Variants in PRKN observed in about 807,000 individuals in gnomAD.
PRKN encodes the protein parkin RBR E3 ubiquitin protein ligase.
PRKN carries 56 observed loss-of-function variants against 59.5 expected under a neutral mutation model. The observed-to-expected ratio is 0.94, with a 90% CI of 0.76 to 1.18. The LOEUF is 1.18. Among genes scored for constraint, PRKN ranks in the 50% most tolerant of loss-of-function variants. PRKN has a pLI of 0.00. For missense variants in PRKN, 657 were observed against 596.4 expected (o/e 1.10, Z -1.06); for synonymous variants, 250 against 222.1 (o/e 1.13, Z -1.12).
chr6:162,490,616 A>G (rs550600737), intron 1 of PRKN, among the ~76,000 whole-genome samples: 1 of 152,306 alleles, frequency 6.6e-6, no homozygotes, highest in Admixed American at 6.5e-5. Flanking sequence ...TGCTTATTTG[A>G]TATTTCTAAT....
intron 3 of PRKN, among the ~76,000 whole-genome samples, chr6:162,211,530 A>T (rs900967341): frequency 2.0e-5 from 3 of 152,152 alleles, no homozygotes; most frequent in African/African-American, 7.2e-5. Context: ...AAAATTTTTT[A>T]AAAAAACATT....
chr6:162,667,989 C>G (rs901980246), intron 1 of PRKN, among the ~76,000 whole-genome samples: 1 of 152,042 alleles, frequency 6.6e-6, no homozygotes, highest in Non-Finnish European at 1.5e-5. Flanking sequence ...AAATAGATAA[C>G]TCATAGACAA....
chr6:161,612,982 G>A (rs2128147490), intron 7 of PRKN, among the ~76,000 whole-genome samples: 1 of 152,288 alleles, frequency 6.6e-6, no homozygotes, highest in East Asian at 1.9e-4. Context: ...TAACACAACA[G>A]ATGAAGGGAT....
At chr6:161,500,876 C>CTTTTTT (rs34247928) in intron 9 of PRKN, among the ~76,000 whole-genome samples, 1 of 115,402 alleles carries the variant, frequency 8.7e-6, no homozygotes, top group Non-Finnish European at 1.7e-5. Flanking sequence ...TTTTTTTTTT[C>CTTTTTT]TTTTTTTTTT....
intron 1 of PRKN, among the ~76,000 whole-genome samples, chr6:162,560,584 G>A (rs1444701251): frequency 6.6e-6 from 1 of 152,048 alleles, no homozygotes. Flanking sequence ...ATCCCATATA[G>A]TAAAAACATA....
At chr6:161,441,658 A>G (rs901729863) in intron 9 of PRKN, among the ~76,000 whole-genome samples, 7 of 151,026 alleles carry the variant, frequency 4.6e-5, no homozygotes, top group Admixed American at 4.0e-4. Flanking sequence ...AAAAAAAAAA[A>G]AAAAAAAAAA....
At chr6:162,207,752 C>T (rs1785013011) in intron 3 of PRKN, among the ~76,000 whole-genome samples, 3 of 152,184 alleles carry the variant, frequency 2.0e-5, no homozygotes, top group Admixed American at 2.0e-4. Flanking sequence ...TCTATGGATA[C>T]AACCTCTCTG....
At chr6:162,052,659 C>T (rs371603179) in intron 5 of PRKN, among the ~76,000 whole-genome samples, 3 of 151,998 alleles carry the variant, frequency 2.0e-5, no homozygotes, top group East Asian at 3.9e-4. Context: ...CTTTCTGTGC[C>T]GCACAGGAAG....
intron 9 of PRKN, among the ~76,000 whole-genome samples, chr6:161,521,740 T>C (rs990538404): frequency 6.6e-6 from 1 of 152,120 alleles, no homozygotes; most frequent in Admixed American, 6.5e-5. Flanking sequence ...ATTTTCATCT[T>C]TGGATTATCT....
At chr6:162,118,692 G>A (rs1780779729) in intron 4 of PRKN, among the ~76,000 whole-genome samples, 1 of 152,098 alleles carries the variant, frequency 6.6e-6, no homozygotes, top group Non-Finnish European at 1.5e-5. Context: ...AACCAAAAGA[G>A]TATTTAATAT....
intron 1 of PRKN, among the ~76,000 whole-genome samples, chr6:162,710,302 G>T (rs892385459): frequency 1.3e-5 from 2 of 151,010 alleles, no homozygotes; most frequent in Admixed American, 1.3e-4. Flanking sequence ...CTGCTTTAAG[G>T]AGAAGGATGA....
intron 6 of PRKN, among the ~76,000 whole-genome samples, chr6:161,945,936 A>G (rs1316889243): frequency 2.0e-5 from 3 of 152,134 alleles, no homozygotes; most frequent in Non-Finnish European, 4.4e-5. Context: ...AATATTTTTT[A>G]TATTTCTATA....
chr6:161,970,783 C>G (rs926920750), intron 6 of PRKN, among the ~76,000 whole-genome samples: 10 of 152,192 alleles, frequency 6.6e-5, no homozygotes, highest in African/African-American at 2.4e-4. Flanking sequence ...GGTGATCCAC[C>G]TGCCTCGGCC....
In PRKN at chr6:161,391,780, C is replaced by G. The variant is rs989782619; in HGVS notation, c.1084-4903G>C. Reference sequence around the variant, plus strand: ...AGGCCTAAGAGCATAACTGAGCCTTCCCTGAGGAAGAAGAGATTTCACCTG... The same window carrying G: ...AGGCCTAAGAGCATAACTGAGCCTTGCCTGAGGAAGAAGAGATTTCACCTG... On this transcript the variant is annotated intron_variant, in intron 9 of 11. Coordinates refer to ENST00000366898, the MANE Select transcript of PRKN (RefSeq NM_004562.3). This position sits in a 1 kb window ranked among gnomAD's most constrained non-coding sequence, Gnocchi z 4.9. Among the ~76,000 whole-genome samples the G allele has an allele frequency of 3.3e-5, 5 of 152,020 alleles. No individual in the cohort carries two copies. Among genetic ancestry groups the G allele is most frequent in the Non-Finnish European group, 1.5e-5 (1 of 68,022 alleles).
chr6:161,961,120 A>G (rs934909926), intron 6 of PRKN, among the ~76,000 whole-genome samples: 1 of 152,220 alleles, frequency 6.6e-6, no homozygotes, highest in Admixed American at 6.5e-5. Flanking sequence ...CTGATGTCAC[A>G]TTATCCTGAC....
At chr6:161,923,380 G>A (rs1357291628) in intron 6 of PRKN, among the ~76,000 whole-genome samples, 1 of 152,140 alleles carries the variant, frequency 6.6e-6, no homozygotes, top group African/African-American at 2.4e-5. Flanking sequence ...CTACCAGGGA[G>A]GCTGAGGTGG....
chr6:162,128,481 G>C (rs1031698140), intron 4 of PRKN, among the ~76,000 whole-genome samples: 6 of 151,992 alleles, frequency 3.9e-5, no homozygotes, highest in African/African-American at 1.4e-4. Context: ...TGGGAAAGAG[G>C]CCAAACGTAG....
chr6:161,859,636 G>C (rs995996531), intron 6 of PRKN, among the ~76,000 whole-genome samples: 13 of 132,364 alleles, frequency 9.8e-5, no homozygotes, highest in African/African-American at 3.3e-4. Flanking sequence ...AAAAGAGAAA[G>C]AGCATTTCTT....
chr6:162,001,457 T>C (rs1007911371), intron 5 of PRKN, among the ~76,000 whole-genome samples: 4 of 152,052 alleles, frequency 2.6e-5, no homozygotes, highest in African/African-American at 9.7e-5. Flanking sequence ...ACTTGTACAT[T>C]GCTGGTACAG....
Sources: gnomAD v4.1 joint callset for allele counts (sites outside exome capture counted in the v4.1 genomes callset) on GRCh38, gnomAD v4.1.1 for gene constraint, Gnocchi (gnomAD v3.1) non-coding constraint, MANE v1.5 for transcripts, NCBI Gene and HGNC (gene_info 2026-07-23, HGNC 2026-07-21) for gene names.